The following NCAM1 variants were observed in gnomAD, a reference collection of about 807,000 sequenced individuals.
The protein encoded by NCAM1 is neural cell adhesion molecule 1, also known as antigen recognized by monoclonal antibody 5.1H11.
In NCAM1, 14 loss-of-function variants were observed where a neutral mutation model predicts 109.8. That is an observed-to-expected ratio of 0.13 (90% CI 0.08 to 0.20). The LOEUF is 0.20. Ranked by LOEUF, NCAM1 falls within the 10% of genes least tolerant of loss-of-function variation. The pLI, the probability that NCAM1 is intolerant of heterozygous loss-of-function variation, is 1.00. For synonymous variants in NCAM1, 418 were observed against 442.9 expected, an observed-to-expected ratio of 0.94 and a Z score of 0.70; for missense variants, 774 against 1,109.9, an observed-to-expected ratio of 0.70 and a Z score of 4.30.
chr11:113,142,503 C>G (rs1156580070), intron 1 of NCAM1, among the ~76,000 whole-genome samples: 1 of 152,150 alleles, frequency 6.6e-6, no homozygotes, highest in Non-Finnish European at 1.5e-5. Flanking sequence ...TGCCACACTG[C>G]CTAGGGGACA....
intron 1 of NCAM1, among the ~76,000 whole-genome samples, chr11:112,971,139 G>T (rs1950868111): frequency 6.6e-6 from 1 of 152,030 alleles, no homozygotes; most frequent in African/African-American, 2.4e-5. Context: ...AAGGAAAAAG[G>T]GGAGGAAGGA....
Position 113,062,227 on chromosome 11 carries a change from G to A in NCAM1, c.52+100563G>A, listed in dbSNP as rs1937694195. ...TTTCATCACTACAGAAGGAAACCTTGTACCCATTAAGTGGTCACTGTCCAT... is the reference window on the plus strand; with the variant it reads ...TTTCATCACTACAGAAGGAAACCTTATACCCATTAAGTGGTCACTGTCCAT... On this transcript the variant is annotated intron_variant, in intron 1 of 19. Transcript: ENST00000316851. Among the ~76,000 whole-genome samples, 3 of 152,150 alleles carry A rather than the reference G, an allele frequency of 2.0e-5. No individual in the cohort carries two copies. In the South Asian group the frequency reaches 6.2e-4, roughly 32 times the overall value.
intron 1 of NCAM1, among the ~76,000 whole-genome samples, chr11:113,003,171 T>C (rs1419625268): frequency 6.6e-6 from 1 of 152,244 alleles, no homozygotes; most frequent in Non-Finnish European, 1.5e-5. Context: ...AAGGAATAAG[T>C]CATTACTCAG....
intron 14 of NCAM1, among the ~76,000 whole-genome samples, chr11:113,236,481 C>T (rs1278220951): frequency 6.6e-6 from 1 of 152,170 alleles, no homozygotes; most frequent in African/African-American, 2.4e-5. Flanking sequence ...CTGTTGTTAA[C>T]GTCTGTAGGT....
intron 1 of NCAM1, among the ~76,000 whole-genome samples, chr11:113,153,273 C>T (rs1350216476): frequency 5.9e-5 from 9 of 152,100 alleles, no homozygotes; most frequent in Admixed American, 5.9e-4. Flanking sequence ...AGACTCCTGA[C>T]CTCGTGATCC....
At chr11:113,272,458 C>T (rs780369052) in intron 19 of NCAM1, among the ~76,000 whole-genome samples, 55 of 152,294 alleles carry the variant, frequency 3.6e-4, no homozygotes, top group Non-Finnish European at 6.8e-4. Context: ...TCTGAGTACT[C>T]GTGATCTGCC....
rs201909829 is a variant in NCAM1, at chr11:113,043,790, C to T, written c.52+82126C>T. On this transcript the variant is annotated intron_variant, in intron 1 of 19. Transcript: ENST00000316851. ...TTCCAGCTTGTAGTACATCTCCTTA[C>T]GCCCCAGTCATATCTCCCTCCCCAA... 2.4e-4 allele frequency among the ~76,000 whole-genome samples: 36 copies of T among 152,266 alleles called. 1 individual carries two copies. The East Asian group carries it at 4.6e-3, about 20-fold the overall frequency.
At chr11:113,045,021 T>G (rs1359508328) in intron 1 of NCAM1, among the ~76,000 whole-genome samples, 1 of 152,218 alleles carries the variant, frequency 6.6e-6, no homozygotes, top group Non-Finnish European at 1.5e-5. Flanking sequence ...CCCAAAGTGC[T>G]GGGATTACAG....
At chr11:112,980,233 A>T (rs1951118102) in intron 1 of NCAM1, among the ~76,000 whole-genome samples, 1 of 151,830 alleles carries the variant, frequency 6.6e-6, no homozygotes, top group African/African-American at 2.4e-5. Flanking sequence ...GAACCCTCAA[A>T]CACTGCTGAT....
At chr11:113,180,240 A>G (rs1323400436) in intron 1 of NCAM1, among the ~76,000 whole-genome samples, 4 of 152,202 alleles carry the variant, frequency 2.6e-5, no homozygotes, top group African/African-American at 9.7e-5. Flanking sequence ...GAACAGTGAG[A>G]TATAGCCCCT....
At chr11:113,082,449 G>T (rs570069977) in intron 1 of NCAM1, among the ~76,000 whole-genome samples, 2 of 152,308 alleles carry the variant, frequency 1.3e-5, no homozygotes, top group East Asian at 3.9e-4. Flanking sequence ...GGAAATTTTT[G>T]TCGTATCACC....
chr11:113,075,676 G>A (rs1938496505), intron 1 of NCAM1, among the ~76,000 whole-genome samples: 2 of 152,162 alleles, frequency 1.3e-5, no homozygotes. Flanking sequence ...CAGGATTGAA[G>A]GAAACATGAT....
At chr11:113,064,662 C>T (rs1382327593) in intron 1 of NCAM1, among the ~76,000 whole-genome samples, 7 of 152,150 alleles carry the variant, frequency 4.6e-5, no homozygotes, top group Admixed American at 2.0e-4. Context: ...GTGGCTTACA[C>T]ACTAATGCCA....
chr11:113,262,987 C>A, intron 17 of NCAM1: 2 of 1,572,822 alleles, frequency 1.3e-6, no homozygotes, highest in Non-Finnish European at 1.7e-6. Flanking sequence ...AGATCAGTGC[C>A]CCCTTTGGAA....
At chr11:113,120,866 T>C (rs1940925642) in intron 1 of NCAM1, among the ~76,000 whole-genome samples, 1 of 152,152 alleles carries the variant, frequency 6.6e-6, no homozygotes, top group South Asian at 2.1e-4. Context: ...GGGCTGTAAA[T>C]GAATGAGGCT....
In NCAM1 at chr11:113,253,643, C is replaced by T. The variant is rs1031047577; in HGVS notation, c.1829-2234C>T. Among the ~76,000 whole-genome samples the T allele has an allele frequency of 8.5e-5, 13 of 152,264 alleles. No individual in the cohort carries two copies. In the South Asian group the frequency reaches 1.7e-3, roughly 19 times the overall value. On this transcript the variant is annotated intron_variant, in intron 15 of 19. Transcript: ENST00000316851. Reference sequence around the variant, plus strand: ...AATTTCAAGAGGAACTAATTAGGAACGTGCAGCCAGGGAGGCCCCAGTGGA... The same window carrying T: ...AATTTCAAGAGGAACTAATTAGGAATGTGCAGCCAGGGAGGCCCCAGTGGA...
chr11:112,967,294 T>G (rs1299793177), intron 1 of NCAM1, among the ~76,000 whole-genome samples: 1 of 152,224 alleles, frequency 6.6e-6, no homozygotes, highest in East Asian at 1.9e-4. Context: ...TTGTGTTACA[T>G]TAGGTATTCT....
At chr11:113,239,068 G>C (rs1408197226) in intron 14 of NCAM1, among the ~76,000 whole-genome samples, 1 of 152,210 alleles carries the variant, frequency 6.6e-6, no homozygotes, top group Non-Finnish European at 1.5e-5. Flanking sequence ...ATGAGCAGGG[G>C]GAGCTAGTAA....
chr11:112,979,631 A>C (rs560256419), intron 1 of NCAM1, among the ~76,000 whole-genome samples: 1 of 151,864 alleles, frequency 6.6e-6, no homozygotes, highest in African/African-American at 2.4e-5. Context: ...TTTCAGGAAA[A>C]CCCAATCTGT....
Sources: allele counts gnomAD v4.1 joint callset (sites outside exome capture counted in the v4.1 genomes callset), GRCh38; gene constraint gnomAD v4.1.1; transcripts MANE v1.5; gene names NCBI Gene and HGNC (gene_info 2026-07-23, HGNC 2026-07-21).